The following RPL38 variants were observed in gnomAD, a reference collection of about 807,000 sequenced individuals.
RPL38 encodes ribosomal protein L38.
A neutral mutation model predicts 12.8 loss-of-function variants in RPL38; 2 were observed. That is an observed-to-expected ratio of 0.16 (90% CI 0.06 to 0.49). RPL38 has a LOEUF of 0.49. Ranked by LOEUF, RPL38 falls within the 20% of genes least tolerant of loss-of-function variation. RPL38 has a pLI of 0.96. For missense variants in RPL38, 52 were observed against 79.8 expected (o/e 0.65, Z 1.33); for synonymous variants, 42 against 30.1 (o/e 1.39, Z -1.29).
chr17:74,205,573 G>A (rs1024909735), intron 3 of RPL38: 1 of 152,190 alleles, frequency 6.6e-6, no homozygotes, highest in African/African-American at 2.4e-5. Context: ...AATGATGACT[G>A]TTGGCTAGTG....
chr17:74,204,121 G>C lies in RPL38; in HGVS notation c.4-9G>C, dbSNP rs759011944. The C allele has an allele frequency of 1.2e-5, 20 of 1,614,180 alleles. 1 individual carries two copies. The East Asian group carries it at 1.3e-4, about 11-fold the overall frequency. ...TCCTCTCTGTTCACCCGCTTCCTTTGTGTTGCAGCCTCGGAAAATTGAGGA... is the reference window on the plus strand; with the variant it reads ...TCCTCTCTGTTCACCCGCTTCCTTTCTGTTGCAGCCTCGGAAAATTGAGGA... On this transcript the variant is annotated splice_polypyrimidine_tract_variant and intron_variant, in intron 2 of 4. Transcript: ENST00000311111.
At position 74,209,329 on chromosome 17, in the gene RPL38, C is replaced by CT. The variant is rs2050143722; in HGVS notation, c.187+22dup. 1 of 1,611,950 alleles carries CT rather than the reference C, an allele frequency of 6.2e-7. No individual in the cohort carries two copies. Among genetic ancestry groups the CT allele is most frequent in the African/African-American group, 1.3e-5 (1 of 74,816 alleles). Reference sequence around the variant, plus strand: ...CCCCCGGTGAGTGAGCCTGAAGTCACTTCAGGGGCGGGTGGGGTTTGGAAG... The same window carrying CT: ...CCCCCGGTGAGTGAGCCTGAAGTCACTTTCAGGGGCGGGTGGGGTTTGGAAG... On this transcript the variant is annotated intron_variant, in intron 4 of 4. Coordinates refer to ENST00000311111, the MANE Select transcript of RPL38 (RefSeq NM_000999.4).
chr17:74,209,077 G>A lies in RPL38; in HGVS notation c.65-110G>A, dbSNP rs527552595. The A allele has an allele frequency of 3.1e-4, 338 of 1,107,744 alleles. 1 individual carries two copies. Among genetic ancestry groups the A allele is most frequent in the Non-Finnish European group, 4.4e-4 (324 of 743,824 alleles). 68.6% of individuals were successfully genotyped at this position (1,107,744 alleles called of 1,614,324 possible). A position where few individuals can be genotyped will look rare whatever the true frequency, so the allele number is the denominator to read the frequency against. On this transcript the variant is annotated intron_variant, in intron 3 of 4. Transcript: ENST00000311111. Reference sequence around the variant, plus strand: ...TTTGCACAGAGGGATGGTACTGGAGGTGGGTGCTGTCTCCTGCATGCTGCT... The same window carrying A: ...TTTGCACAGAGGGATGGTACTGGAGATGGGTGCTGTCTCCTGCATGCTGCT...
At chr17:74,203,817 G>A in intron 1 of RPL38, 72 bp downstream of exon 1, 4 of 1,102,010 alleles carry the variant, frequency 3.6e-6, no homozygotes, top group Admixed American at 2.7e-5. Flanking sequence ...TCGGGGAGGA[G>A]AAGGGGAGTG....
At chr17:74,208,598 A>T (rs540539040) in intron 3 of RPL38, among the ~76,000 whole-genome samples, 4 of 152,286 alleles carry the variant, frequency 2.6e-5, no homozygotes, top group African/African-American at 9.6e-5. Context: ...CAGTCCCAGC[A>T]GACAGCCCGT....
At chr17:74,207,102 C>T (rs1451248448) in intron 3 of RPL38, among the ~76,000 whole-genome samples, 5 of 152,036 alleles carry the variant, frequency 3.3e-5, no homozygotes, top group Admixed American at 6.6e-5. Context: ...TCCTTGATCT[C>T]CTGGGCGCAA....
Position 74,210,054 on chromosome 17 carries a change from A to T in RPL38, c.*225A>T. The T allele has an allele frequency of 2.1e-6, 1 of 465,718 alleles. No individual in the cohort carries two copies. The allele number at this position is 465,718 out of a possible 1,614,324, so 28.8% of individuals were successfully genotyped here. On this transcript the variant is annotated 3_prime_UTR_variant, in exon 5 of 5. Transcript: ENST00000311111. ...TCATCCTGGAGCACAGTGGTGCGAT[A>T]TCAGCTCACTACCACCTCCGCCTCC... is the stretch of plus-strand genomic sequence containing the variant.
Position 74,205,872 on chromosome 17 carries a change from T to C in RPL38, c.64+1682T>C, listed in dbSNP as rs574732813. ...CCATTTCTACTAAAAATAAAAAAAT[T>C]AGCCAGGCATGGTGGCACACGCCTG... On this transcript the variant is annotated intron_variant, in intron 3 of 4. Transcript: ENST00000311111. The C allele has an allele frequency of 2.6e-5, 4 of 152,150 alleles. No homozygotes were observed. In the South Asian group the frequency reaches 8.3e-4, roughly 32 times the overall value. 9.4% of individuals were successfully genotyped at this position (152,150 alleles called of 1,614,324 possible). A position where few individuals can be genotyped will look rare whatever the true frequency, so the allele number is the denominator to read the frequency against.
intron 4 of RPL38, 32 bp downstream of exon 4, chr17:74,209,341 G>C (rs888429817): frequency 6.2e-7 from 1 of 1,609,474 alleles, no homozygotes; most frequent in Non-Finnish European, 8.5e-7. Context: ...TCAGGGGCGG[G>C]TGGGGTTTGG....
rs1016932973 is a variant in RPL38, at chr17:74,209,925, G to A, written c.*96G>A. On this transcript the variant is annotated 3_prime_UTR_variant, in exon 5 of 5. Transcript: ENST00000311111. ...ATGGGAAAGGGAAAAATGCTACCTC[G>A]TAGTGGCTTCTGATGGGAACAGGAC... 1.2e-5 allele frequency: 12 copies of A among 1,005,676 alleles called. No homozygotes were observed. The highest frequency in any genetic ancestry group is 3.5e-5 in the Admixed American group (2 of 57,282). The allele number at this position is 1,005,676 out of a possible 1,614,324, so 62.3% of individuals were successfully genotyped here.
At chr17:74,204,009 CG>C (rs1188940889) in intron 2 of RPL38, 51 bp downstream of exon 2, 6 of 1,612,298 alleles carry the variant, frequency 3.7e-6, no homozygotes, top group Non-Finnish European at 5.1e-6. Context: ...CGTGGGGCCC[CG>C]GGGCGAGGGC....
At chr17:74,208,808 G>A (rs997453704) in intron 3 of RPL38, among the ~76,000 whole-genome samples, 2 of 152,096 alleles carry the variant, frequency 1.3e-5, no homozygotes, top group African/African-American at 2.4e-5. Flanking sequence ...GGTGGTGCAC[G>A]CCTGTAATCC....
intron 3 of RPL38, among the ~76,000 whole-genome samples, chr17:74,207,878 G>A (rs2050129685): frequency 6.6e-6 from 1 of 152,204 alleles, no homozygotes; most frequent in Admixed American, 6.5e-5. Context: ...TAGGGGCAGT[G>A]TTATACTGAA....
At chr17:74,208,033 G>A (rs1421554847) in intron 3 of RPL38, among the ~76,000 whole-genome samples, 1 of 152,206 alleles carries the variant, frequency 6.6e-6, no homozygotes, top group East Asian at 1.9e-4. Flanking sequence ...CAGAAATGGA[G>A]TTGCCGAATT....
Position 74,204,338 on chromosome 17 carries a change from C to T in RPL38, c.64+148C>T. 5 of 680,162 alleles carry T rather than the reference C, an allele frequency of 7.4e-6. No homozygotes were observed. In the South Asian group the frequency reaches 9.1e-5, roughly 12 times the overall value. 42.1% of individuals were successfully genotyped at this position (680,162 alleles called of 1,614,324 possible). A position where few individuals can be genotyped will look rare whatever the true frequency, so the allele number is the denominator to read the frequency against. On this transcript the variant is annotated intron_variant, in intron 3 of 4. Coordinates refer to ENST00000311111, the MANE Select transcript of RPL38 (RefSeq NM_000999.4). ...GGGAGCAGTGGTTTCATCCTGTTTC[C>T]CATGAGAAAGACCTGTGGGGGGCAC...
chr17:74,205,159 A>G (rs1490820053), intron 3 of RPL38: 1 of 152,248 alleles, frequency 6.6e-6, no homozygotes, highest in Non-Finnish European at 1.5e-5. Context: ...ATAGGTGCCA[A>G]TCTCTGCTGC....
intron 3 of RPL38, among the ~76,000 whole-genome samples, chr17:74,207,782 A>C (rs2050128747): frequency 6.6e-6 from 1 of 152,200 alleles, no homozygotes; most frequent in African/African-American, 2.4e-5. Context: ...CTGGGATTAC[A>C]GGCGTGAACC....
chr17:74,206,758 A>G (rs2050118677), intron 3 of RPL38, among the ~76,000 whole-genome samples: 1 of 133,772 alleles, frequency 7.5e-6, no homozygotes, highest in African/African-American at 2.9e-5. Context: ...TGTTGCCCAG[A>G]CTGGAGAGCA....
intron 3 of RPL38, chr17:74,204,911 C>G (rs2143686160): frequency 6.6e-6 from 1 of 152,294 alleles, no homozygotes; most frequent in East Asian, 1.9e-4. Context: ...TCTCGAACTC[C>G]TAACCTCAGA....
Sources: allele counts gnomAD v4.1 joint callset (sites outside exome capture counted in the v4.1 genomes callset), GRCh38; gene constraint gnomAD v4.1.1; transcripts MANE v1.5; gene names NCBI Gene and HGNC (gene_info 2026-07-23, HGNC 2026-07-21).